SLC22A25: variants seen among roughly 807,000 people sequenced by gnomAD.
The protein encoded by SLC22A25 is solute carrier family 22 member 25.
In SLC22A25, 44 loss-of-function variants were observed where a neutral mutation model predicts 45.9. The observed-to-expected ratio is 0.96, with a 90% confidence interval of 0.75 to 1.23. The LOEUF is 1.23. SLC22A25 is among the 50% of genes most tolerant of loss of function. The pLI is 0.00. For synonymous variants in SLC22A25, 283 were observed against 238.6 expected (o/e 1.19, Z -1.72); for missense variants, 800 against 666.4 (o/e 1.20, Z -2.21).
rs1342660224 is a variant in SLC22A25 at position 63,160,087 on chromosome 11, G to A, written c.*3737C>T. On this transcript the variant is annotated 3_prime_UTR_variant, in exon 12 of 12. Transcript: ENST00000306494. ...AAGTTTGAAAAATTTGCAGCCTGGT[G>A]ATGTGATAGAAAATAAAAACCCATT... Among the ~76,000 whole-genome samples the A allele has an allele frequency of 1.3e-5, 2 of 152,204 alleles. No individual in the cohort carries two copies. Among genetic ancestry groups the A allele is most frequent in the Non-Finnish European group, 2.9e-5 (2 of 68,034 alleles).
At chr11:63,225,568 C>G (rs1399244640) in intron 5 of SLC22A25, among the ~76,000 whole-genome samples, 1 of 152,088 alleles carries the variant, frequency 6.6e-6, no homozygotes, top group African/African-American at 2.4e-5. Context: ...CTTTATTTAT[C>G]CTTGACCTAG....
At chr11:63,193,667 A>C (rs1253256823) in intron 7 of SLC22A25, among the ~76,000 whole-genome samples, 1 of 152,266 alleles carries the variant, frequency 6.6e-6, no homozygotes, top group Non-Finnish European at 1.5e-5. Flanking sequence ...TGTCACCATC[A>C]TCAAAGATCA....
chr11:63,216,276 A>C (rs1213542211), intron 7 of SLC22A25, among the ~76,000 whole-genome samples: 6 of 152,164 alleles, frequency 3.9e-5, no homozygotes, highest in African/African-American at 1.4e-4. Flanking sequence ...TGTTGGTGGG[A>C]GTGTAAATTC....
chr11:63,243,427 G>A lies in SLC22A25; in HGVS notation c.-996+7C>T, dbSNP rs114008313. ...AAGAAAAGGTTTTCCCTCTGGCCACGATTTACCTGGACTGTTTCTTCGCCA... is the reference window on the plus strand; with the variant it reads ...AAGAAAAGGTTTTCCCTCTGGCCACAATTTACCTGGACTGTTTCTTCGCCA... On this transcript the variant is annotated splice_region_variant and intron_variant, in intron 1 of 11. Transcript: ENST00000306494. The A allele has an allele frequency of 8.6e-4, 637 of 743,004 alleles. 6 individuals are homozygous for A. The African/African-American group carries it at 9.9e-3, about 12-fold the overall frequency. 46.0% of individuals were successfully genotyped at this position (743,004 alleles called of 1,614,324 possible). A position where few individuals can be genotyped will look rare whatever the true frequency, so the allele number is the denominator to read the frequency against.
chr11:63,205,323 G>A (rs766118712), intron 7 of SLC22A25, among the ~76,000 whole-genome samples: 2 of 151,998 alleles, frequency 1.3e-5, no homozygotes, highest in East Asian at 1.9e-4. Flanking sequence ...GAGCAGAAAT[G>A]AGAGATAGAA....
intron 7 of SLC22A25, among the ~76,000 whole-genome samples, chr11:63,189,535 C>G (rs1334862131): frequency 6.6e-6 from 1 of 152,048 alleles, no homozygotes; most frequent in African/African-American, 2.4e-5. Context: ...GAGCATTTAG[C>G]CTATTTACAT....
chr11:63,177,840 TATATATATATAATGTATATATATA>T (rs1262363985), intron 9 of SLC22A25, among the ~76,000 whole-genome samples: 7 of 61,414 alleles, frequency 1.1e-4, no homozygotes, highest in South Asian at 7.4e-4. Flanking sequence ...ATATAATGTG[TATATATATATAATGTATATATATA>T]ATATATATAA....
chr11:63,220,656 A>G (rs1018602778), intron 5 of SLC22A25, among the ~76,000 whole-genome samples: 1 of 152,174 alleles, frequency 6.6e-6, no homozygotes, highest in Admixed American at 6.5e-5. Context: ...TAAAGTGTAC[A>G]ATTAAATTAT....
rs565331768 is a variant in SLC22A25, at chr11:63,196,521, T to C, written c.831-12704A>G. On this transcript the variant is annotated intron_variant, in intron 7 of 11. Transcript: ENST00000306494. The stretch of plus-strand genomic sequence containing the variant: ...GACAAAAACCACATGATTATCTCAA[T>C]AGATGCAGAAAAGGCCTTTGACAAA... 1.8e-4 allele frequency among the ~76,000 whole-genome samples: 27 copies of C among 152,262 alleles called. No individual in the cohort carries two copies. The South Asian group carries it at 5.4e-3, about 30-fold the overall frequency.
chr11:63,183,337 C>A (rs2088398075), intron 8 of SLC22A25, among the ~76,000 whole-genome samples: 1 of 152,078 alleles, frequency 6.6e-6, no homozygotes, highest in South Asian at 2.1e-4. Context: ...CTAATCCTTC[C>A]TTCCTCTGTC....
Position 63,192,601 on chromosome 11 carries a change from A to G in SLC22A25, c.831-8784T>C, listed in dbSNP as rs79959600. 2.0e-5 allele frequency among the ~76,000 whole-genome samples: 3 copies of G among 152,324 alleles called. 1 individual carries two copies. Among genetic ancestry groups the G allele is most frequent in the Admixed American group, 2.0e-4 (3 of 15,288 alleles). On this transcript the variant is annotated intron_variant, in intron 7 of 11. Coordinates refer to ENST00000306494, the MANE Select transcript of SLC22A25 (RefSeq NM_199352.6). Reference sequence around the variant, plus strand: ...GCTGTCTTTAAGAGATCCATCTCACATGCAATAGCACACACAGGCTCAAAG... The same window carrying G: ...GCTGTCTTTAAGAGATCCATCTCACGTGCAATAGCACACACAGGCTCAAAG...
At chr11:63,171,648 G>A (rs893365628) in intron 9 of SLC22A25, among the ~76,000 whole-genome samples, 3 of 152,076 alleles carry the variant, frequency 2.0e-5, no homozygotes, top group Admixed American at 1.3e-4. Flanking sequence ...ACTGCACAAG[G>A]AAATAAGAGA....
At chr11:63,184,415 C>G (rs1415261489) in intron 7 of SLC22A25, among the ~76,000 whole-genome samples, 3 of 152,078 alleles carry the variant, frequency 2.0e-5, no homozygotes, top group African/African-American at 7.2e-5. Context: ...TGAACTTTCT[C>G]TCTGTATTAA....
intron 7 of SLC22A25, among the ~76,000 whole-genome samples, chr11:63,187,237 G>T (rs1046464343): frequency 6.6e-6 from 1 of 152,112 alleles, no homozygotes; most frequent in Non-Finnish European, 1.5e-5. Flanking sequence ...GTGGTTTGTA[G>T]TTCTCCTTGA....
chr11:63,160,061 A>G lies in SLC22A25; in HGVS notation c.*3763T>C, dbSNP rs1276161124. 3.3e-5 allele frequency among the ~76,000 whole-genome samples: 5 copies of G among 152,198 alleles called. No homozygotes were observed. The highest frequency in any genetic ancestry group is 7.3e-5 in the Non-Finnish European group (5 of 68,034). On this transcript the variant is annotated 3_prime_UTR_variant, in exon 12 of 12. Coordinates refer to ENST00000306494, the MANE Select transcript of SLC22A25 (RefSeq NM_199352.6). ...AGTTTTAAAAGGGAAACTCAGCAAA[A>G]AAGTTTGAAAAATTTGCAGCCTGGT...
At chr11:63,194,557 C>G (rs924278106) in intron 7 of SLC22A25, among the ~76,000 whole-genome samples, 3 of 151,926 alleles carry the variant, frequency 2.0e-5, no homozygotes, top group South Asian at 2.1e-4. Flanking sequence ...AAGAGCTCCT[C>G]AAGGAAGCAC....
At chr11:63,177,588 A>G (rs2088139004) in intron 9 of SLC22A25, among the ~76,000 whole-genome samples, 1 of 151,648 alleles carries the variant, frequency 6.6e-6, no homozygotes, top group Admixed American at 6.6e-5. Context: ...TCTGGTAGCC[A>G]CCATTTCACT....
chr11:63,210,878 T>C (rs1565106276), intron 7 of SLC22A25, among the ~76,000 whole-genome samples: 1 of 152,130 alleles, frequency 6.6e-6, no homozygotes, highest in Non-Finnish European at 1.5e-5. Context: ...ATATGCCAAA[T>C]TGTCCAGTGC....
At chr11:63,188,262 GT>G (rs2088644734) in intron 7 of SLC22A25, among the ~76,000 whole-genome samples, 1 of 152,108 alleles carries the variant, frequency 6.6e-6, no homozygotes, top group African/African-American at 2.4e-5. Flanking sequence ...CTTCTTCCTG[GT>G]TTAGTCTTGG....
Sources: allele counts gnomAD v4.1 joint callset (sites outside exome capture counted in the v4.1 genomes callset), GRCh38; gene constraint gnomAD v4.1.1; transcripts MANE v1.5; gene names NCBI Gene and HGNC (gene_info 2026-07-23, HGNC 2026-07-21).